BCL6: variants seen among roughly 807,000 people sequenced by gnomAD.
The protein encoded by BCL6 is B-cell lymphoma 6 protein.
A neutral mutation model predicts 59.5 loss-of-function variants in BCL6; 7 were observed. The observed-to-expected ratio is 0.12, with a 90% CI of 0.07 to 0.22. The LOEUF (loss-of-function observed/expected upper bound fraction) is 0.22, where lower values mean the gene tolerates loss of function less well. Ranked by LOEUF, BCL6 falls within the 10% of genes least tolerant of loss-of-function variation. The pLI, the probability that BCL6 is intolerant of heterozygous loss-of-function variation, is 1.00. For synonymous variants in BCL6, 339 were observed against 349.7 expected (o/e 0.97, Z 0.34); for missense variants, 685 against 939.4 (o/e 0.73, Z 3.54).
intron 9 of BCL6, among the ~76,000 whole-genome samples, chr3:187,724,128 A>G (rs1165600454): frequency 6.6e-6 from 1 of 152,192 alleles, no homozygotes; most frequent in Non-Finnish European, 1.5e-5. Flanking sequence ...TTCATTGATT[A>G]CTTCTTGTCC....
Position 187,725,125 on chromosome 3 carries a change from G to A in BCL6, c.1840-47C>T, listed in dbSNP as rs749142761. ...AGAGGTCTTCTGGGGTGGGCTGCAG[G>A]CCTCTGGGCAGCCCCTCATTAGCAC... On this transcript the variant is annotated intron_variant, in intron 8 of 9. Transcript: ENST00000406870. The surrounding 1 kb of genome is among the most constrained non-coding windows in gnomAD (Gnocchi z 4.7). 1 of 1,610,422 alleles carries A rather than the reference G, an allele frequency of 6.2e-7. No individual in the cohort carries two copies. Among genetic ancestry groups the A allele is most frequent in the South Asian group, 1.1e-5 (1 of 90,920 alleles).
chr3:187,733,202 A>C (rs1719129425), intron 3 of BCL6, among the ~76,000 whole-genome samples: 1 of 152,176 alleles, frequency 6.6e-6, no homozygotes, highest in Non-Finnish European at 1.5e-5. Context: ...AAAGACAAAG[A>C]AAGTTCATTT....
chr3:187,730,936 C>G (rs1383654329), intron 4 of BCL6, among the ~76,000 whole-genome samples: 1 of 152,200 alleles, frequency 6.6e-6, no homozygotes, highest in Non-Finnish European at 1.5e-5. Context: ...GAGTTCCTGG[C>G]TCCTGGAGGT....
intron 1 of BCL6, among the ~76,000 whole-genome samples, chr3:187,735,126 T>G (rs1223427035): frequency 1.3e-5 from 2 of 152,160 alleles, no homozygotes; most frequent in African/African-American, 4.8e-5. Flanking sequence ...TTATCCAGAG[T>G]ACTGGGAGTA....
At chr3:187,727,808 C>CT (rs1365620043) in intron 6 of BCL6, among the ~76,000 whole-genome samples, 1 of 152,194 alleles carries the variant, frequency 6.6e-6, no homozygotes, top group East Asian at 1.9e-4. Context: ...AAGATTTAGA[C>CT]TTTTTTGTCT....
intron 3 of BCL6, among the ~76,000 whole-genome samples, chr3:187,732,200 T>A (rs1325843948): frequency 1.3e-5 from 2 of 152,200 alleles, no homozygotes; most frequent in African/African-American, 4.8e-5. Flanking sequence ...GGGGGTTAAG[T>A]GAATATTCTT....
intron 1 of BCL6, among the ~76,000 whole-genome samples, chr3:187,744,430 A>C (rs1711778526): frequency 1.3e-5 from 2 of 152,020 alleles, no homozygotes; most frequent in East Asian, 1.9e-4. Flanking sequence ...AGAAAGAATA[A>C]TTTTCAAAGT....
intron 1 of BCL6, among the ~76,000 whole-genome samples, chr3:187,743,175 CT>C (rs1282214591): frequency 6.6e-6 from 1 of 152,098 alleles, no homozygotes; most frequent in East Asian, 1.9e-4. Context: ...TCCTGCCCCA[CT>C]TTTTTTAAAA....
At chr3:187,745,170 G>A (rs1380618655) in intron 1 of BCL6, among the ~76,000 whole-genome samples, 1 of 152,222 alleles carries the variant, frequency 6.6e-6, no homozygotes. Context: ...TGGGAGAGAC[G>A]TGGGACTAAT....
At chr3:187,744,209 C>T (rs569111599) in intron 1 of BCL6, among the ~76,000 whole-genome samples, 3 of 152,320 alleles carry the variant, frequency 2.0e-5, no homozygotes, top group East Asian at 1.9e-4. Context: ...AATACAAACA[C>T]CGCAGCGGCC....
At chr3:187,739,719 A>G (rs1407696454) in intron 1 of BCL6, among the ~76,000 whole-genome samples, 1 of 152,152 alleles carries the variant, frequency 6.6e-6, no homozygotes, top group East Asian at 1.9e-4. Flanking sequence ...GCCCGAAGAC[A>G]ATGCCAGCAA....
chr3:187,725,352 T>G lies in BCL6; in HGVS notation c.1839+147A>C. 6.9e-7 allele frequency: 1 copy of G among 1,458,446 alleles called. No individual in the cohort carries two copies. Among genetic ancestry groups the G allele is most frequent in the Non-Finnish European group, 9.2e-7 (1 of 1,091,510 alleles). The allele number at this position is 1,458,446 out of a possible 1,614,324, so 90.3% of individuals were successfully genotyped here. On this transcript the variant is annotated intron_variant, in intron 8 of 9. Transcript: ENST00000406870. This position sits in a 1 kb window ranked among gnomAD's most constrained non-coding sequence, Gnocchi z 4.7. ...CTGCACACGGGGACTGAGTGGGACT[T>G]TCTCCTGCCCGCTCTGCTCACCTGC... is the stretch of plus-strand genomic sequence containing the variant.
At chr3:187,744,482 A>G (rs527547192) in intron 1 of BCL6, among the ~76,000 whole-genome samples, 2 of 152,310 alleles carry the variant, frequency 1.3e-5, no homozygotes, top group South Asian at 2.1e-4. Context: ...ACACAGGGGC[A>G]GGGAACACCA....
chr3:187,727,261 A>G (rs2108560236), intron 6 of BCL6, among the ~76,000 whole-genome samples: 1 of 152,340 alleles, frequency 6.6e-6, no homozygotes, highest in East Asian at 1.9e-4. Context: ...TTTTATTTAC[A>G]TTTATACACA....
intron 1 of BCL6, among the ~76,000 whole-genome samples, 168 bp downstream of exon 1, chr3:187,745,242 A>G (rs551784450): frequency 2.6e-5 from 4 of 152,274 alleles, no homozygotes; most frequent in South Asian, 2.1e-4. Flanking sequence ...TTATATCAAT[A>G]GATACACATA....
At position 187,721,433 on chromosome 3, in the gene BCL6, C is replaced by T. The variant is rs370186035; in HGVS notation, c.*1025G>A. On this transcript the variant is annotated 3_prime_UTR_variant, in exon 10 of 10. Coordinates refer to ENST00000406870, the MANE Select transcript of BCL6 (RefSeq NM_001706.5). This position sits in a 1 kb window ranked among gnomAD's most constrained non-coding sequence, Gnocchi z 4.2. ...ATTTGTACAGCTATATTTTACAACG[C>T]GGTAATGCAGTTTAGACACAGCCAA... 9 of 231,292 alleles carry T rather than the reference C, an allele frequency of 3.9e-5. No individual in the cohort carries two copies. The highest frequency in any genetic ancestry group is 3.6e-4 in the South Asian group (2 of 5,500). 14.3% of individuals were successfully genotyped at this position (231,292 alleles called of 1,614,324 possible). A position where few individuals can be genotyped will look rare whatever the true frequency, so the allele number is the denominator to read the frequency against.
chr3:187,737,567 C>A (rs1579824165), intron 1 of BCL6: 3 of 152,532 alleles, frequency 2.0e-5, no homozygotes. Context: ...CCTAGGCAGA[C>A]TTCGCTACCC....
At chr3:187,728,918 G>A (rs1439620362) in intron 5 of BCL6, 132 bp downstream of exon 5, 2 of 1,262,440 alleles carry the variant, frequency 1.6e-6, no homozygotes, top group African/African-American at 3.0e-5. Flanking sequence ...TCCTTACTCA[G>A]ACTAACTCAA....
chr3:187,733,734 C>A, intron 2 of BCL6, 31 bp from the exon 3 acceptor site: 2 of 1,604,426 alleles, frequency 1.2e-6, no homozygotes, highest in Non-Finnish European at 1.7e-6. Context: ...TCCTGTTAGT[C>A]CTCCAGAACC....
Sources: gnomAD v4.1 joint callset for allele counts (sites outside exome capture counted in the v4.1 genomes callset) on GRCh38, gnomAD v4.1.1 for gene constraint, Gnocchi (gnomAD v3.1) non-coding constraint, MANE v1.5 for transcripts, NCBI Gene and HGNC (gene_info 2026-07-23, HGNC 2026-07-21) for gene names.